Variants in MCM5 observed in about 807,000 individuals in gnomAD.
The protein encoded by MCM5 is DNA replication licensing factor MCM5.
Under a neutral mutation model 79.9 loss-of-function variants are expected in MCM5, and 46 were observed. That is an observed-to-expected ratio of 0.58 (90% CI 0.45 to 0.74). MCM5 has a LOEUF of 0.74. Among genes scored for constraint, MCM5 ranks in the 30% least tolerant of loss-of-function variants. MCM5 has a pLI of 0.00. For synonymous variants in MCM5, 404 were observed against 390.5 expected (o/e 1.03, Z -0.41); for missense variants, 883 against 1,017.0 (o/e 0.87, Z 1.79).
intron 12 of MCM5, among the ~76,000 whole-genome samples, chr22:35,417,040 G>A (rs963020980): frequency 3.3e-5 from 5 of 152,146 alleles, no homozygotes; most frequent in Admixed American, 3.3e-4. Flanking sequence ...GATAAGCTGT[G>A]TGATTTGGGC....
intron 5 of MCM5, among the ~76,000 whole-genome samples, chr22:35,407,662 T>G (rs926418640): frequency 3.0e-4 from 46 of 152,252 alleles, no homozygotes; most frequent in African/African-American, 4.1e-4. Flanking sequence ...TTCTTCAGGC[T>G]TCTCTTCACA....
At chr22:35,448,752 C>T in the MCM5 span, among the ~76,000 whole-genome samples, 1 of 152,192 alleles carries the variant, frequency 6.6e-6, no homozygotes, top group East Asian at 1.9e-4. Flanking sequence ...CTTCAAACAA[C>T]ACGCATTATT....
rs1932611382 is a variant in MCM5, at chr22:35,418,670, A to AAAT, written c.1703+815_1703+816insATA. 7.5e-5 allele frequency among the ~76,000 whole-genome samples: 11 copies of AAAT among 147,276 alleles called. No homozygotes were observed. In the South Asian group the frequency reaches 2.3e-3, roughly 31 times the overall value. On this transcript the variant is annotated intron_variant, in intron 13 of 16. Transcript: ENST00000216122. The stretch of plus-strand genomic sequence containing the variant: ...GTGAGACTCTGTCTCAAAAAAAAAA[A>AAAT]ATATATATATATGTGTACACACACA...
chr22:35,410,321 CAAG>C (rs1243723663), intron 6 of MCM5: 1 of 191,626 alleles, frequency 5.2e-6, no homozygotes, highest in African/African-American at 2.3e-5. Context: ...AGTGGCCCCT[CAAG>C]GAGGCTGGGG....
Position 35,417,990 on chromosome 22 carries a change from C to T in MCM5, c.1703+134C>T, listed in dbSNP as rs1228462351. 3 of 644,476 alleles carry T rather than the reference C, an allele frequency of 4.7e-6. No homozygotes were observed. The East Asian group carries it at 8.3e-5, about 18-fold the overall frequency. 39.9% of individuals were successfully genotyped at this position (644,476 alleles called of 1,614,324 possible). A position where few individuals can be genotyped will look rare whatever the true frequency, so the allele number is the denominator to read the frequency against. On this transcript the variant is annotated intron_variant, in intron 13 of 16. Coordinates refer to ENST00000216122, the MANE Select transcript of MCM5 (RefSeq NM_006739.4). ...TGCTGTTCTGAGGTTCTCAGCTCTA[C>T]TGAATCTGCTCTGCTCCCTTCTAAC...
At chr22:35,430,751 C>T in the MCM5 span, among the ~76,000 whole-genome samples, 1 of 151,436 alleles carries the variant, frequency 6.6e-6, no homozygotes, top group African/African-American at 2.4e-5. Context: ...ACCTCCTGAT[C>T]CACCTGCCTC....
chr22:35,445,843 C>T, the MCM5 span, among the ~76,000 whole-genome samples: 3 of 152,180 alleles, frequency 2.0e-5, no homozygotes, highest in Non-Finnish European at 4.4e-5. Context: ...GATGTTTTAG[C>T]ATTTGGTCCA....
intron 16 of MCM5, chr22:35,423,915 G>T: frequency 2.0e-6 from 1 of 487,914 alleles, no homozygotes; most frequent in Non-Finnish European, 3.6e-6. Flanking sequence ...TTAGAGCTTC[G>T]GTTCTAGAGT....
At position 35,417,810 on chromosome 22, in the gene MCM5, G is replaced by A. The variant is rs1232651260; in HGVS notation, c.1657G>A (p.Glu553Lys). 4.3e-6 allele frequency: 7 copies of A among 1,614,080 alleles called. No individual in the cohort carries two copies. In the Admixed American group the frequency reaches 6.7e-5, roughly 15 times the overall value. Residue 553 changes from glutamate to lysine, a missense_variant, in exon 13 of 17, where the codon GAG becomes AAG. Glu to Lys is a moderately conservative substitution (Grantham distance 56). Transcript: ENST00000216122. ...ALTQTQAVEG[E>K]IDLAKLKKFI... ...GACACAGACACAGGCTGTGGAGGGCGAGATTGACCTGGCCAAGCTGAAGAA... is the reference window on the plus strand; with the variant it reads ...GACACAGACACAGGCTGTGGAGGGCAAGATTGACCTGGCCAAGCTGAAGAA...
chr22:35,444,900 C>T, the MCM5 span, among the ~76,000 whole-genome samples: 1 of 152,192 alleles, frequency 6.6e-6, no homozygotes, highest in African/African-American at 2.4e-5. Flanking sequence ...CACGCATGCT[C>T]CCCTCTCCTT....
At chr22:35,447,939 C>T in the MCM5 span, among the ~76,000 whole-genome samples, 1 of 152,172 alleles carries the variant, frequency 6.6e-6, no homozygotes, top group Non-Finnish European at 1.5e-5. Context: ...GAAACGGGGC[C>T]CCTGGGGCCT....
intron 11 of MCM5, 25 bp from the exon 12 acceptor site, chr22:35,416,613 C>A (rs752797148): frequency 3.7e-6 from 6 of 1,604,460 alleles, no homozygotes; most frequent in Non-Finnish European, 5.1e-6. Context: ...TCTCCTCCCC[C>A]TTTTCGTCGT....
chr22:35,429,057 C>T (rs1156849681), downstream of MCM5, among the ~76,000 whole-genome samples: 6 of 134,584 alleles, frequency 4.5e-5, no homozygotes, highest in East Asian at 2.3e-4. Context: ...ATGATCTCAG[C>T]TCCCTGCAAC....
At chr22:35,406,435 C>A in intron 4 of MCM5, 118 bp from the exon 5 acceptor site, 1 of 869,150 alleles carries the variant, frequency 1.2e-6, no homozygotes, top group Non-Finnish European at 1.8e-6. Flanking sequence ...AGAGCTGTGG[C>A]CCTCCCTGCA....
intron 11 of MCM5, 83 bp downstream of exon 11, chr22:35,416,487 G>C: frequency 6.8e-7 from 1 of 1,461,700 alleles, no homozygotes; most frequent in Non-Finnish European, 9.5e-7. Flanking sequence ...TTGGGACCAA[G>C]TTCTCTTTGC....
chr22:35,450,841 C>T, the MCM5 span, among the ~76,000 whole-genome samples: 5 of 152,214 alleles, frequency 3.3e-5, no homozygotes, highest in Non-Finnish European at 7.3e-5. Flanking sequence ...AAAACCAGCA[C>T]TCTGTCCGCT....
In MCM5 at chr22:35,400,219, T is replaced by G. The variant is rs1020830141; in HGVS notation, c.-9+11T>G. 1.4e-5 allele frequency: 8 copies of G among 574,090 alleles called. No homozygotes were observed. The African/African-American group carries it at 1.5e-4, about 11-fold the overall frequency. 35.6% of individuals were successfully genotyped at this position (574,090 alleles called of 1,614,324 possible). Reference sequence around the variant, plus strand: ...TGCGGAAAACCAGAGGTGAGGCTAGTGGGAGTGGGACTGGGACTGGGAGCC... The same window carrying G: ...TGCGGAAAACCAGAGGTGAGGCTAGGGGGAGTGGGACTGGGACTGGGAGCC... On this transcript the variant is annotated intron_variant, in intron 1 of 16. Transcript: ENST00000216122.
chr22:35,425,733 C>T (rs1171199965), downstream of MCM5, among the ~76,000 whole-genome samples: 3 of 151,948 alleles, frequency 2.0e-5, no homozygotes, highest in Non-Finnish European at 4.4e-5. Context: ...GACTCGCGTG[C>T]ATCTCAGGCC....
chr22:35,426,883 A>G (rs1227193354), downstream of MCM5, among the ~76,000 whole-genome samples: 1 of 152,154 alleles, frequency 6.6e-6, no homozygotes, highest in Non-Finnish European at 1.5e-5. Flanking sequence ...TTCGCTCACC[A>G]CTATGAGAGC....
Sources: allele counts gnomAD v4.1 joint callset (sites outside exome capture counted in the v4.1 genomes callset), GRCh38; gene constraint gnomAD v4.1.1; transcripts MANE v1.5; gene names NCBI Gene and HGNC (gene_info 2026-07-23, HGNC 2026-07-21).